OR1J2: variants seen among roughly 807,000 people sequenced by gnomAD.
The protein encoded by OR1J2 is olfactory receptor family 1 subfamily J member 2.
For synonymous variants in OR1J2, 142 were observed against 99.7 expected (o/e 1.42, Z -2.52); for missense variants, 304 against 246.1 (o/e 1.24, Z -1.57).
the OR1J2 span, among the ~76,000 whole-genome samples, chr9:122,524,735 T>C: frequency 6.6e-6 from 1 of 151,908 alleles, no homozygotes; most frequent in Non-Finnish European, 1.5e-5. Context: ...GTAAAGAAGG[T>C]AAAGTTGATT....
the OR1J2 span, among the ~76,000 whole-genome samples, chr9:122,525,064 A>G: frequency 6.6e-6 from 1 of 152,222 alleles, no homozygotes; most frequent in Non-Finnish European, 1.5e-5. Flanking sequence ...AGATGAGGGC[A>G]GGAGAACTCC....
chr9:122,523,324 T>C, the OR1J2 span, among the ~76,000 whole-genome samples: 1 of 152,020 alleles, frequency 6.6e-6, no homozygotes, highest in Admixed American at 6.6e-5. Flanking sequence ...ACAAAGACTA[T>C]ATTGTGAGGG....
At chr9:122,575,537 G>A in the OR1J2 span, among the ~76,000 whole-genome samples, 1 of 152,062 alleles carries the variant, frequency 6.6e-6, no homozygotes, top group African/African-American at 2.4e-5. Flanking sequence ...GAGATCTGTA[G>A]TGATGTTCCC....
the OR1J2 span, among the ~76,000 whole-genome samples, chr9:122,481,392 C>T: frequency 6.6e-6 from 1 of 151,878 alleles, no homozygotes; most frequent in Non-Finnish European, 1.5e-5. Flanking sequence ...CAGCAACCAC[C>T]AACACCACAA....
the OR1J2 span, among the ~76,000 whole-genome samples, chr9:122,535,906 G>A: frequency 6.6e-6 from 1 of 152,080 alleles, no homozygotes. Context: ...AAAGGAAAAA[G>A]GGGTGTTGTT....
the OR1J2 span, among the ~76,000 whole-genome samples, chr9:122,558,454 T>C: frequency 1.3e-5 from 2 of 151,518 alleles, no homozygotes; most frequent in Non-Finnish European, 3.0e-5. Flanking sequence ...TGTTTAAAGG[T>C]TTGACAAATG....
chr9:122,564,228 A>T, the OR1J2 span, among the ~76,000 whole-genome samples: 39 of 152,192 alleles, frequency 2.6e-4, no homozygotes, highest in Non-Finnish European at 5.3e-4. Flanking sequence ...CTCAGATCCA[A>T]CTTACGGTGT....
chr9:122,528,815 G>A, the OR1J2 span, among the ~76,000 whole-genome samples: 2 of 152,268 alleles, frequency 1.3e-5, no homozygotes, highest in Admixed American at 1.3e-4. Flanking sequence ...CAAAGTGATT[G>A]AAAAAGTTTA....
the OR1J2 span, among the ~76,000 whole-genome samples, chr9:122,531,029 G>T: frequency 9.4e-3 from 1,427 of 152,242 alleles, 22 homozygotes; most frequent in African/African-American, 0.033. Flanking sequence ...ATATTAATAA[G>T]AAAAATAAAA....
chr9:122,515,298 A>G (rs1311998128), downstream of OR1J2, among the ~76,000 whole-genome samples: 1 of 150,854 alleles, frequency 6.6e-6, no homozygotes, highest in Non-Finnish European at 1.5e-5. Context: ...ACTCCCAGGA[A>G]TGACTTGAGC....
chr9:122,496,227 A>G, the OR1J2 span, among the ~76,000 whole-genome samples: 1 of 152,124 alleles, frequency 6.6e-6, no homozygotes, highest in African/African-American at 2.4e-5. Context: ...GGAGGATGCA[A>G]ACTTGCCCTA....
chr9:122,448,847 A>C, the OR1J2 span: 1 of 152,262 alleles, frequency 6.6e-6, no homozygotes, highest in East Asian at 1.9e-4. Flanking sequence ...TTCAGGGTAC[A>C]AGTCAAAATG....
At chr9:122,567,982 G>A in the OR1J2 span, 146 of 1,614,158 alleles carry the variant, frequency 9.0e-5, 1 homozygote, top group Middle Eastern at 1.6e-4. Context: ...AAGGTGAGAC[G>A]ATTCAGCAGA....
the OR1J2 span, among the ~76,000 whole-genome samples, chr9:122,542,767 C>G: frequency 6.6e-6 from 1 of 152,194 alleles, no homozygotes; most frequent in African/African-American, 2.4e-5. Flanking sequence ...CTACCACAGT[C>G]AAGATACGGA....
At chr9:122,519,504 C>T in the OR1J2 span, 27 of 1,614,092 alleles carry the variant, frequency 1.7e-5, no homozygotes, top group South Asian at 5.5e-5. Context: ...GGCATACGAT[C>T]GGTATGTGGC....
At chr9:122,481,234 A>T in the OR1J2 span, among the ~76,000 whole-genome samples, 11 of 152,140 alleles carry the variant, frequency 7.2e-5, no homozygotes, top group Non-Finnish European at 1.0e-4. Context: ...AGCATAATGG[A>T]CTTTGGCTTC....
chr9:122,519,873 C>A, the OR1J2 span: 2 of 1,614,182 alleles, frequency 1.2e-6, no homozygotes, highest in African/African-American at 2.7e-5. Context: ...TGGCTCTCAC[C>A]TCTCTGTGGT....
chr9:122,536,460 G>A, the OR1J2 span, among the ~76,000 whole-genome samples: 1 of 152,144 alleles, frequency 6.6e-6, no homozygotes, highest in African/African-American at 2.4e-5. Flanking sequence ...GAGAAGAGAG[G>A]CAAACAAATA....
At chr9:122,480,776 C>G in the OR1J2 span, among the ~76,000 whole-genome samples, 1 of 151,904 alleles carries the variant, frequency 6.6e-6, no homozygotes, top group African/African-American at 2.4e-5. Context: ...ACCATCCACC[C>G]TCTATTTTTT....
Sources: gnomAD v4.1 joint callset for allele counts (sites outside exome capture counted in the v4.1 genomes callset) on GRCh38, gnomAD v4.1.1 for gene constraint, MANE v1.5 for transcripts, NCBI Gene and HGNC (gene_info 2026-07-23, HGNC 2026-07-21) for gene names.